The following MACROD2 variants were observed in gnomAD, a reference collection of about 807,000 sequenced individuals.
MACROD2 encodes mono-ADP ribosylhydrolase 2, also known as ADP-ribose glycohydrolase MACROD2.
MACROD2 carries 36 observed loss-of-function variants against 70.4 expected under a neutral mutation model. The ratio of observed to expected loss-of-function variants is 0.51; its 90% CI spans 0.39 to 0.68. MACROD2 has a LOEUF of 0.68. MACROD2 is among the 30% of genes least tolerant of loss of function. MACROD2 has a pLI of 0.00. For synonymous variants in MACROD2, 172 were observed against 178.8 expected, an observed-to-expected ratio of 0.96 and a Z score of 0.30; for missense variants, 496 against 538.4, an observed-to-expected ratio of 0.92 and a Z score of 0.78.
chr20:14,002,869 T>G (rs192996132), intron 2 of MACROD2, among the ~76,000 whole-genome samples: 145 of 152,350 alleles, frequency 9.5e-4, no homozygotes, highest in African/African-American at 3.2e-3. Flanking sequence ...TTGTATGATG[T>G]GTTATTATGT....
chr20:14,724,380 A>G (rs1157480074), intron 5 of MACROD2, among the ~76,000 whole-genome samples: 1 of 152,148 alleles, frequency 6.6e-6, no homozygotes, highest in African/African-American at 2.4e-5. Flanking sequence ...TTACTCAACA[A>G]GATTTATCAA....
intron 6 of MACROD2, among the ~76,000 whole-genome samples, chr20:15,246,660 A>T (rs1166086184): frequency 6.6e-6 from 1 of 152,228 alleles, no homozygotes; most frequent in Non-Finnish European, 1.5e-5. Flanking sequence ...ACAGCTTGGC[A>T]CTTCCTCAAA....
At chr20:14,397,393 G>T (rs1202579322) in intron 3 of MACROD2, among the ~76,000 whole-genome samples, 2 of 152,050 alleles carry the variant, frequency 1.3e-5, no homozygotes, top group African/African-American at 2.4e-5. Context: ...CTTTATAGTG[G>T]TTGCTTATAG....
intron 2 of MACROD2, among the ~76,000 whole-genome samples, chr20:14,028,112 C>G (rs919043913): frequency 3.9e-5 from 6 of 152,182 alleles, no homozygotes; most frequent in Non-Finnish European, 8.8e-5. Flanking sequence ...ATGCCCTGCC[C>G]AGAGAGGAGG....
intron 3 of MACROD2, among the ~76,000 whole-genome samples, chr20:14,306,297 G>T (rs2082520608): frequency 6.6e-6 from 1 of 151,888 alleles, no homozygotes; most frequent in Non-Finnish European, 1.5e-5. Context: ...TACAATCCTT[G>T]GTAAGAAAGT....
chr20:14,497,855 T>C (rs367028), intron 4 of MACROD2, among the ~76,000 whole-genome samples: 27,916 of 151,756 alleles, frequency 0.18, 3,089 homozygotes, highest in South Asian at 0.36. Flanking sequence ...ATAAGTACTG[T>C]TGTCTAATAA....
intron 4 of MACROD2, among the ~76,000 whole-genome samples, chr20:14,495,071 A>G (rs554916529): frequency 6.6e-6 from 1 of 152,308 alleles, no homozygotes; most frequent in South Asian, 2.1e-4. Context: ...GAGTATTTCA[A>G]AAAATTGACT....
chr20:15,614,611 A>G (rs1349636504), intron 8 of MACROD2, among the ~76,000 whole-genome samples: 3 of 152,162 alleles, frequency 2.0e-5, no homozygotes, highest in Non-Finnish European at 2.9e-5. Flanking sequence ...ATCACTACCT[A>G]TTGCTCAGTA....
At chr20:14,138,249 A>G (rs2054825510) in intron 3 of MACROD2, among the ~76,000 whole-genome samples, 1 of 152,174 alleles carries the variant, frequency 6.6e-6, no homozygotes, top group Admixed American at 6.6e-5. Context: ...CAGCAATCCC[A>G]TTTCTGGGGA....
intron 6 of MACROD2, among the ~76,000 whole-genome samples, chr20:15,234,781 A>C (rs2145992954): frequency 6.6e-6 from 1 of 152,310 alleles, no homozygotes; most frequent in Admixed American, 6.5e-5. Flanking sequence ...CAAGAAAGAA[A>C]AATTTCTATT....
rs117145441 is a variant in MACROD2, at chr20:15,373,708, T to G, written c.541-57697T>G. 9.5e-4 allele frequency among the ~76,000 whole-genome samples: 145 copies of G among 152,244 alleles called. 1 individual carries two copies. In the East Asian group the frequency reaches 0.023, roughly 24 times the overall value. On this transcript the variant is annotated intron_variant, in intron 6 of 17. Coordinates refer to ENST00000684519, the MANE Select transcript of MACROD2 (RefSeq NM_001351661.2). ...ATGAGCCACTGCACCCAGCTTTTTT[T>G]GGGCACTTTTCAAGAAGAAACTTTC... is the stretch of plus-strand genomic sequence containing the variant.
intron 8 of MACROD2, among the ~76,000 whole-genome samples, chr20:15,816,090 T>G (rs1489793470): frequency 6.6e-6 from 1 of 152,108 alleles, no homozygotes; most frequent in Admixed American, 6.6e-5. Context: ...ATTCATTATA[T>G]GTATATAATA....
At chr20:15,865,242 T>A (rs1012245945) in intron 9 of MACROD2, among the ~76,000 whole-genome samples, 1 of 152,042 alleles carries the variant, frequency 6.6e-6, no homozygotes, top group Non-Finnish European at 1.5e-5. Flanking sequence ...CAATGCATGA[T>A]AAAACAATAA....
chr20:14,535,505 CAAAAAAAAAA>C (rs11357982), intron 4 of MACROD2, among the ~76,000 whole-genome samples: 2 of 63,000 alleles, frequency 3.2e-5, no homozygotes, highest in African/African-American at 5.9e-5. Flanking sequence ...AACTCCGTCT[CAAAAAAAAAA>C]AAAAAAAAAA....
At chr20:15,819,983 A>G (rs1211797137) in intron 8 of MACROD2, among the ~76,000 whole-genome samples, 1 of 152,126 alleles carries the variant, frequency 6.6e-6, no homozygotes, top group Non-Finnish European at 1.5e-5. Context: ...TGTAGTACCT[A>G]TTTTACTATC....
intron 3 of MACROD2, among the ~76,000 whole-genome samples, chr20:14,483,470 G>T (rs1360864419): frequency 1.3e-5 from 2 of 151,868 alleles, no homozygotes; most frequent in Admixed American, 1.3e-4. Context: ...GCAATGGGGC[G>T]ATCTTGGCTC....
chr20:14,349,098 G>A (rs1189465047), intron 3 of MACROD2, among the ~76,000 whole-genome samples: 3 of 150,782 alleles, frequency 2.0e-5, no homozygotes, highest in African/African-American at 4.9e-5. Context: ...TAAATAAATG[G>A]AAAATAAAAA....
chr20:15,164,899 T>A (rs1400461259), intron 5 of MACROD2, among the ~76,000 whole-genome samples: 1 of 151,554 alleles, frequency 6.6e-6, no homozygotes, highest in East Asian at 1.9e-4. Context: ...AGACTGTCTC[T>A]AAAAAAATAA....
intron 2 of MACROD2, among the ~76,000 whole-genome samples, chr20:14,009,589 TTTG>T (rs1672320228): frequency 6.6e-6 from 1 of 152,134 alleles, no homozygotes; most frequent in African/African-American, 2.4e-5. Context: ...AAAAATACCG[TTTG>T]ACCCAGCAAT....
Sources: gnomAD v4.1 joint callset for allele counts (sites outside exome capture counted in the v4.1 genomes callset) on GRCh38, gnomAD v4.1.1 for gene constraint, MANE v1.5 for transcripts, NCBI Gene and HGNC (gene_info 2026-07-23, HGNC 2026-07-21) for gene names.